CUL1: variants seen among roughly 807,000 people sequenced by gnomAD.
CUL1 encodes the protein cullin 1.
In CUL1, 24 loss-of-function variants were observed where a neutral mutation model predicts 118.0. The observed-to-expected ratio is 0.20, with a 90% CI of 0.15 to 0.29. The LOEUF (loss-of-function observed/expected upper bound fraction) is 0.29, where lower values mean the gene tolerates loss of function less well. Among genes scored for constraint, CUL1 ranks in the 10% least tolerant of loss-of-function variants. The pLI, the probability that CUL1 is intolerant of heterozygous loss-of-function variation, is 1.00. For missense variants in CUL1, 361 were observed against 933.8 expected (o/e 0.39, Z 7.99); for synonymous variants, 332 against 340.4 (o/e 0.98, Z 0.27).
rs571164344 is a variant in CUL1 at position 148,725,250 on chromosome 7, C to T, written c.-161-4712C>T. Among the ~76,000 whole-genome samples, 319 of 152,134 alleles carry T rather than the reference C, an allele frequency of 2.1e-3. 3 individuals carry two copies. The highest frequency in any genetic ancestry group is 1.4e-3 in the East Asian group (7 of 5,152). On this transcript the variant is annotated intron_variant, in intron 1 of 21. Coordinates refer to ENST00000325222, the MANE Select transcript of CUL1 (RefSeq NM_003592.3). ...ACACACACACACACACACACACACCCGTACCCCTCTAAACTGGAAAACTTC... is the reference window on the plus strand; with the variant it reads ...ACACACACACACACACACACACACCTGTACCCCTCTAAACTGGAAAACTTC...
At chr7:148,768,845 C>T (rs754466767) in intron 9 of CUL1, among the ~76,000 whole-genome samples, 6 of 151,658 alleles carry the variant, frequency 4.0e-5, no homozygotes, top group Non-Finnish European at 7.4e-5. Context: ...GCTTCTTTTC[C>T]GTGTTTAATT....
chr7:148,799,241 A>C (rs780271609), intron 20 of CUL1, 34 bp from the exon 21 acceptor site: 1 of 1,524,820 alleles, frequency 6.6e-7, no homozygotes, highest in Non-Finnish European at 9.1e-7. Flanking sequence ...TTACAGCTCT[A>C]AATGCACTTC....
chr7:148,730,675 A>G (rs765376970), intron 2 of CUL1, among the ~76,000 whole-genome samples: 1 of 152,220 alleles, frequency 6.6e-6, no homozygotes, highest in Non-Finnish European at 1.5e-5. Context: ...TGTTATGGGA[A>G]CAGAGTTAAG....
chr7:148,785,236 A>G (rs910109477), intron 11 of CUL1, among the ~76,000 whole-genome samples: 2 of 152,114 alleles, frequency 1.3e-5, no homozygotes, highest in African/African-American at 4.8e-5. Context: ...GATCCTCTCC[A>G]GAAATGAGAG....
At chr7:148,782,298 A>G (rs1183673910) in intron 9 of CUL1, among the ~76,000 whole-genome samples, 2 of 152,216 alleles carry the variant, frequency 1.3e-5, no homozygotes. Context: ...ATATGGCCCA[A>G]CTTGGAGGTG....
rs150601492 is a variant in CUL1 at position 148,739,662 on chromosome 7, T to A, written c.140+9400T>A. On this transcript the variant is annotated intron_variant, in intron 2 of 21. Coordinates refer to ENST00000325222, the MANE Select transcript of CUL1 (RefSeq NM_003592.3). ...TTTGTCAGATATATTTTGCTAATAT[T>A]TTCTTCAAGTCTGAGGCTTGCTAAT... Among the ~76,000 whole-genome samples, 624 of 152,364 alleles carry A rather than the reference T, an allele frequency of 4.1e-3. 4 individuals carry two copies. Among genetic ancestry groups the A allele is most frequent in the African/African-American group, 0.014 (576 of 41,584 alleles).
At chr7:148,780,996 CT>C (rs1416736430) in intron 9 of CUL1, among the ~76,000 whole-genome samples, 3 of 148,822 alleles carry the variant, frequency 2.0e-5, no homozygotes, top group Non-Finnish European at 3.0e-5. Context: ...GTATATTATT[CT>C]AGTGTGTTGT....
chr7:148,787,979 A>G lies in CUL1; in HGVS notation c.1480-578A>G, dbSNP rs1800874592. ...TAAACAACAGAAATAGTTTCTCACA[A>G]TTCTGGGGGCCACAAGTCCGAGATC... On this transcript the variant is annotated intron_variant, in intron 13 of 21. Coordinates refer to ENST00000325222, the MANE Select transcript of CUL1 (RefSeq NM_003592.3). This position sits in a 1 kb window ranked among gnomAD's most constrained non-coding sequence, Gnocchi z 5.5. Among the ~76,000 whole-genome samples, 1 of 152,132 alleles carries G rather than the reference A, an allele frequency of 6.6e-6. No homozygotes were observed. Among genetic ancestry groups the G allele is most frequent in the Non-Finnish European group, 1.5e-5 (1 of 68,034 alleles).
intron 13 of CUL1, among the ~76,000 whole-genome samples, chr7:148,788,239 G>A (rs536461311): frequency 6.6e-6 from 1 of 152,304 alleles, no homozygotes; most frequent in South Asian, 2.1e-4. Flanking sequence ...TCAGCTTCTG[G>A]TAAGAGATAG....
chr7:148,767,807 A>G, intron 9 of CUL1, 58 bp downstream of exon 9: 1 of 1,548,850 alleles, frequency 6.5e-7, no homozygotes, highest in South Asian at 1.1e-5. Context: ...GCGAACTGCA[A>G]GCATATGTTA....
chr7:148,771,395 C>A (rs1192410710), intron 9 of CUL1, among the ~76,000 whole-genome samples: 2 of 152,202 alleles, frequency 1.3e-5, no homozygotes, highest in Admixed American at 1.3e-4. Context: ...CTAGTTAAAA[C>A]CAATTTAAAC....
chr7:148,772,591 A>G (rs1045797956), intron 9 of CUL1, among the ~76,000 whole-genome samples: 1 of 152,224 alleles, frequency 6.6e-6, no homozygotes, highest in Non-Finnish European at 1.5e-5. Context: ...GCAAGCATTT[A>G]GGGCATTCCT....
chr7:148,752,579 T>A (rs1005672636), intron 2 of CUL1, among the ~76,000 whole-genome samples: 4 of 152,190 alleles, frequency 2.6e-5, no homozygotes, highest in Non-Finnish European at 5.9e-5. Flanking sequence ...TTCATTTTTT[T>A]AATTGCTTTA....
intron 1 of CUL1, among the ~76,000 whole-genome samples, chr7:148,715,593 C>T (rs1170876622): frequency 6.6e-6 from 1 of 152,154 alleles, no homozygotes; most frequent in Non-Finnish European, 1.5e-5. Flanking sequence ...GACTACTTTG[C>T]CCACGTCCTT....
intron 2 of CUL1, among the ~76,000 whole-genome samples, chr7:148,749,613 C>T (rs1799420373): frequency 6.6e-6 from 1 of 152,146 alleles, no homozygotes; most frequent in Non-Finnish European, 1.5e-5. Context: ...CATGTGTCTG[C>T]TCCACCGACT....
At chr7:148,700,941 T>C (rs1797701971) in intron 1 of CUL1, among the ~76,000 whole-genome samples, 1 of 152,184 alleles carries the variant, frequency 6.6e-6, no homozygotes, top group Admixed American at 6.5e-5. Context: ...ATGCCTGAGC[T>C]GATTCTGCAT....
chr7:148,784,746 G>A (rs760496461), intron 11 of CUL1, among the ~76,000 whole-genome samples: 29 of 152,190 alleles, frequency 1.9e-4, no homozygotes, highest in Admixed American at 1.2e-3. Flanking sequence ...TTTTCCACAC[G>A]CCAAAATTAT....
chr7:148,799,183 C>T (rs1801307249), intron 20 of CUL1, 92 bp from the exon 21 acceptor site: 11 of 877,136 alleles, frequency 1.3e-5, no homozygotes, highest in East Asian at 5.1e-5. Flanking sequence ...TGTGCATAGG[C>T]GTCGGCAGCC....
At chr7:148,706,050 C>G (rs1188011939) in intron 1 of CUL1, among the ~76,000 whole-genome samples, 1 of 152,128 alleles carries the variant, frequency 6.6e-6, no homozygotes, top group Non-Finnish European at 1.5e-5. Flanking sequence ...TGTGATGGGC[C>G]ACGGTCAACA....
Sources: allele counts gnomAD v4.1 joint callset (sites outside exome capture counted in the v4.1 genomes callset), GRCh38; gene constraint gnomAD v4.1.1; non-coding constraint Gnocchi (gnomAD v3.1); transcripts MANE v1.5; gene names NCBI Gene and HGNC (gene_info 2026-07-23, HGNC 2026-07-21).